HERC2: variants seen among roughly 807,000 people sequenced by gnomAD.
The protein encoded by HERC2 is E3 ubiquitin-protein ligase HERC2.
Under a neutral mutation model 537.7 loss-of-function variants are expected in HERC2, and 102 were observed. That is an observed-to-expected ratio of 0.19 (90% confidence interval 0.16 to 0.22). The LOEUF (loss-of-function observed/expected upper bound fraction) is 0.22, where lower values mean the gene tolerates loss of function less well. Among genes scored for constraint, HERC2 ranks in the 10% least tolerant of loss-of-function variants. HERC2 has a pLI of 1.00. For missense variants in HERC2, 4,236 were observed against 6,198.2 expected (o/e 0.68, Z 10.63); for synonymous variants, 2,224 against 2,466.2 (o/e 0.90, Z 2.91).
chr15:28,251,288 C>A (rs1376177790), intron 20 of HERC2, among the ~76,000 whole-genome samples: 2 of 151,276 alleles, frequency 1.3e-5, no homozygotes, highest in African/African-American at 4.9e-5. Flanking sequence ...ACTAAAAATA[C>A]AAAAATTAGT....
intron 37 of HERC2, 25 bp from the exon 38 acceptor site, chr15:28,218,696 A>C: frequency 1.3e-6 from 2 of 1,539,124 alleles, no homozygotes; most frequent in Non-Finnish European, 1.8e-6. Flanking sequence ...CAAAATTACA[A>C]ATTATATTCC....
intron 69 of HERC2, among the ~76,000 whole-genome samples, chr15:28,156,566 G>A (rs1412148207): frequency 6.6e-6 from 1 of 152,172 alleles, no homozygotes; most frequent in Admixed American, 6.5e-5. Context: ...TGTTATTGAT[G>A]TATAAGAATG....
rs1413063026 is a variant in HERC2, at chr15:28,215,691, T to C, written c.6140A>G (p.Gln2047Arg). Residue 2047 changes from glutamine to arginine, a missense_variant, in exon 39 of 93, where the codon CAG becomes CGG. Transcript: ENST00000261609. ...PQVCGALSSP[Q>R]WITLLMKVVE... ...GACCTTCATGAGCAGCGTGATCCAC[T>C]GCGGGGAGCTGAGGGCGCCGCATAC... 1 of 1,611,892 alleles carries C rather than the reference T, an allele frequency of 6.2e-7. No homozygotes were observed. Among genetic ancestry groups the C allele is most frequent in the African/African-American group, 1.3e-5 (1 of 74,864 alleles).
intron 12 of HERC2, among the ~76,000 whole-genome samples, chr15:28,266,609 C>T (rs1161099682): frequency 6.6e-6 from 1 of 152,220 alleles, no homozygotes; most frequent in Admixed American, 6.5e-5. Flanking sequence ...ATTACCCATA[C>T]ACCCAACCCA....
rs770245740 is a variant in HERC2 at position 28,218,676 on chromosome 15, A to G, written c.5846-5T>C. The G allele has an allele frequency of 1.9e-6, 3 of 1,574,246 alleles. No homozygotes were observed. The highest frequency in any genetic ancestry group is 2.2e-5 in the South Asian group (2 of 90,692). ...TCCTTTCAGTTTGTTCGGCTTCTAAAAAAAATAATCAAAATTACAAATTAT... is the reference window on the plus strand; with the variant it reads ...TCCTTTCAGTTTGTTCGGCTTCTAAGAAAAATAATCAAAATTACAAATTAT... On this transcript the variant is annotated splice_region_variant and splice_polypyrimidine_tract_variant and intron_variant, in intron 37 of 92. Transcript: ENST00000261609.
rs147802077 is a variant in HERC2, at chr15:28,113,123, G to A, written c.14180C>T (p.Thr4727Met). Residue 4727 changes from threonine to methionine, a missense_variant, in exon 92 of 93, where the codon ACG becomes ATG. By Grantham distance (81) the Thr-to-Met change is moderately conservative. Coordinates refer to ENST00000261609, the MANE Select transcript of HERC2 (RefSeq NM_004667.6). The surrounding 1 kb of genome is among the most constrained non-coding windows in gnomAD (Gnocchi z 7.0). ...SLFLRFVWGR[T>M]RLPRTIADFR... ...GTCGGCGATGGTCCTGGGCAGCCTC[G>A]TCCGGCCCCAGACGAAGCGAAGGAA... 3 of 1,613,918 alleles carry A rather than the reference G, an allele frequency of 1.9e-6. No individual in the cohort carries two copies. The highest frequency in any genetic ancestry group is 2.2e-5 in the South Asian group (2 of 91,086).
intron 16 of HERC2, among the ~76,000 whole-genome samples, chr15:28,258,089 T>C (rs1458881122): frequency 2.6e-5 from 4 of 152,206 alleles, no homozygotes; most frequent in African/African-American, 7.2e-5. Context: ...TCATATACAG[T>C]TTGTTCTCCA....
chr15:28,135,495 C>T lies in HERC2; in HGVS notation c.12213G>A (p.Leu4071=). Residue 4071 remains leucine, a synonymous_variant, in exon 79 of 93, where the codon TTG becomes TTA. Transcript: ENST00000261609. ...YSWGEAEDGK[L]GHGNRSPCDR... ...CATCATACCTTCTGTTGCCATGCCC[C>T]AACTTCCCATCTTCTGCCTCACCCC... 1 of 1,613,836 alleles carries T rather than the reference C, an allele frequency of 6.2e-7. No individual in the cohort carries two copies. Among genetic ancestry groups the T allele is most frequent in the Non-Finnish European group, 8.5e-7 (1 of 1,179,744 alleles).
At chr15:28,278,753 T>A (rs1422505445) in intron 5 of HERC2, among the ~76,000 whole-genome samples, 1 of 152,216 alleles carries the variant, frequency 6.6e-6, no homozygotes, top group Non-Finnish European at 1.5e-5. Context: ...ACCTTCTATG[T>A]GCTCTCTCCA....
intron 4 of HERC2, among the ~76,000 whole-genome samples, chr15:28,287,098 G>A (rs1355993404): frequency 2.6e-5 from 4 of 152,006 alleles, no homozygotes; most frequent in South Asian, 2.1e-4. Flanking sequence ...ATAATAAAAC[G>A]TTGGAAAAAA....
intron 2 of HERC2, among the ~76,000 whole-genome samples, chr15:28,308,319 T>A (rs2076848483): frequency 6.6e-6 from 1 of 152,226 alleles, no homozygotes; most frequent in Admixed American, 6.6e-5. Context: ...GTGGCTACTA[T>A]AAATGGGATT....
intron 20 of HERC2, among the ~76,000 whole-genome samples, chr15:28,252,882 G>A (rs1271041316): frequency 6.6e-6 from 1 of 152,150 alleles, no homozygotes; most frequent in Non-Finnish European, 1.5e-5. Flanking sequence ...TTCTGGTTGT[G>A]GACAGCAGGC....
intron 52 of HERC2, among the ~76,000 whole-genome samples, 167 bp downstream of exon 52, chr15:28,196,048 A>T (rs1233655658): frequency 1.3e-5 from 2 of 152,238 alleles, no homozygotes. Context: ...TTAAAAAGCC[A>T]GCCAGTCATC....
rs1287729456 is a variant in HERC2 at position 28,113,047 on chromosome 15, C to T, written c.14232+24G>A. On this transcript the variant is annotated intron_variant, in intron 92 of 92. Coordinates refer to ENST00000261609, the MANE Select transcript of HERC2 (RefSeq NM_004667.6). This position sits in a 1 kb window ranked among gnomAD's most constrained non-coding sequence, Gnocchi z 7.0. Reference sequence around the variant, plus strand: ...CCGTCGGCCGACATCAGCCCAGGGCCGGCAAGCCCAGCCAGGAGCCTACCT... The same window carrying T: ...CCGTCGGCCGACATCAGCCCAGGGCTGGCAAGCCCAGCCAGGAGCCTACCT... The T allele has an allele frequency of 7.5e-6, 12 of 1,604,146 alleles. No homozygotes were observed. Among genetic ancestry groups the T allele is most frequent in the African/African-American group, 1.3e-5 (1 of 74,734 alleles).
At position 28,119,399 on chromosome 15, in the gene HERC2, C is replaced by CAAAAA. The variant is rs201078187; in HGVS notation, c.13272+1942_13272+1946dup. Reference sequence around the variant, plus strand: ...TGGGCGACAGAACAAGACTCCCTCTCAAAAAAAAAAAAAAAAAAAAAAAAA... The same window carrying CAAAAA: ...TGGGCGACAGAACAAGACTCCCTCTCAAAAAAAAAAAAAAAAAAAAAAAAAAAAAA... On this transcript the variant is annotated intron_variant, in intron 86 of 92. Transcript: ENST00000261609. 1.1e-4 allele frequency among the ~76,000 whole-genome samples: 15 copies of CAAAAA among 133,954 alleles called. 1 individual carries two copies. Among genetic ancestry groups the CAAAAA allele is most frequent in the African/African-American group, 4.6e-4 (13 of 28,372 alleles). 87.9% of individuals were successfully genotyped at this position (133,954 alleles called of 152,430 possible). A position where few individuals can be genotyped will look rare whatever the true frequency, so the allele number is the denominator to read the frequency against.
chr15:28,130,432 T>C, intron 82 of HERC2, 71 bp downstream of exon 82: 1 of 1,579,952 alleles, frequency 6.3e-7, no homozygotes, highest in Non-Finnish European at 8.7e-7. Context: ...TTCCCATCCA[T>C]GAAAAGGTGG....
At chr15:28,308,533 C>T (rs2076854664) in intron 2 of HERC2, among the ~76,000 whole-genome samples, 1 of 152,162 alleles carries the variant, frequency 6.6e-6, no homozygotes, top group African/African-American at 2.4e-5. Flanking sequence ...AATGTGGAGG[C>T]CTTTTATTTC....
chr15:28,293,715 C>A (rs1184881297), intron 3 of HERC2, among the ~76,000 whole-genome samples: 3 of 152,066 alleles, frequency 2.0e-5, no homozygotes, highest in Non-Finnish European at 4.4e-5. Context: ...ATTCAAAAAT[C>A]TTTTAACTCT....
At chr15:28,139,028 T>C (rs1890927330) in intron 78 of HERC2, among the ~76,000 whole-genome samples, 1 of 152,196 alleles carries the variant, frequency 6.6e-6, no homozygotes, top group African/African-American at 2.4e-5. Flanking sequence ...GAACTAGAAT[T>C]AGAAGTGGAG....
Sources: gnomAD v4.1 joint callset for allele counts (sites outside exome capture counted in the v4.1 genomes callset) on GRCh38, gnomAD v4.1.1 for gene constraint, Gnocchi (gnomAD v3.1) non-coding constraint, MANE v1.5 for transcripts, NCBI Gene and HGNC (gene_info 2026-07-23, HGNC 2026-07-21) for gene names.